The following SLC8A1 variants were observed in gnomAD, a reference collection of about 807,000 sequenced individuals.
SLC8A1 encodes the protein sodium/calcium exchanger 1.
In SLC8A1, 18 loss-of-function variants were observed where a neutral mutation model predicts 68.3. The ratio of observed to expected loss-of-function variants is 0.26; its 90% CI spans 0.18 to 0.39. SLC8A1 has a LOEUF of 0.39. Ranked by LOEUF, SLC8A1 falls within the 10% of genes least tolerant of loss-of-function variation. SLC8A1 has a pLI of 1.00. For missense variants in SLC8A1, 985 were observed against 1,156.7 expected, an observed-to-expected ratio of 0.85 and a Z score of 2.15; for synonymous variants, 475 against 415.5, an observed-to-expected ratio of 1.14 and a Z score of -1.74.
At chr2:40,367,432 CT>C (rs1676606846) in intron 2 of SLC8A1, among the ~76,000 whole-genome samples, 1 of 152,004 alleles carries the variant, frequency 6.6e-6, no homozygotes, top group Admixed American at 6.6e-5. Context: ...ACACACATCC[CT>C]TTTTTCCCCG....
chr2:40,293,449 A>G (rs2069721489), intron 2 of SLC8A1, among the ~76,000 whole-genome samples: 1 of 152,192 alleles, frequency 6.6e-6, no homozygotes, highest in Non-Finnish European at 1.5e-5. Flanking sequence ...ACCTTAATCT[A>G]AACTTGGAGC....
At chr2:40,268,647 A>G (rs35417255) in intron 2 of SLC8A1, among the ~76,000 whole-genome samples, 4,929 of 152,258 alleles carry the variant, frequency 0.032, 113 homozygotes, top group Non-Finnish European at 0.054. Context: ...GTACGTGTAT[A>G]AGGGCAGAAA....
chr2:40,242,763 A>G (rs2061385250), intron 2 of SLC8A1, among the ~76,000 whole-genome samples: 1 of 152,232 alleles, frequency 6.6e-6, no homozygotes, highest in Non-Finnish European at 1.5e-5. Flanking sequence ...AGGAATACAA[A>G]TACAACCATG....
At chr2:40,152,155 TA>T (rs2043556638) in intron 6 of SLC8A1, among the ~76,000 whole-genome samples, 1 of 152,192 alleles carries the variant, frequency 6.6e-6, no homozygotes, top group South Asian at 2.1e-4. Flanking sequence ...TCTTTCTTTT[TA>T]TTAATAAAAA....
intron 2 of SLC8A1, among the ~76,000 whole-genome samples, chr2:40,350,272 A>G (rs1347627390): frequency 2.6e-5 from 4 of 152,114 alleles, no homozygotes; most frequent in Non-Finnish European, 5.9e-5. Context: ...GCTTGAGCCC[A>G]GGAGTTCAAG....
chr2:40,197,552 C>A (rs1188965209), intron 2 of SLC8A1, among the ~76,000 whole-genome samples: 1 of 151,880 alleles, frequency 6.6e-6, no homozygotes, highest in Non-Finnish European at 1.5e-5. Context: ...AGGTGCTTTC[C>A]CCCTTTAGCA....
chr2:40,263,292 C>A (rs1052447849), intron 2 of SLC8A1, among the ~76,000 whole-genome samples: 1 of 152,174 alleles, frequency 6.6e-6, no homozygotes, highest in Admixed American at 6.5e-5. Context: ...GCATTTTTAG[C>A]ATGATACATA....
chr2:40,129,316 G>A (rs1464092288), intron 7 of SLC8A1, among the ~76,000 whole-genome samples: 1 of 150,422 alleles, frequency 6.6e-6, no homozygotes, highest in East Asian at 2.0e-4. Flanking sequence ...CTGCAGCCTT[G>A]GCCTCCTGGG....
intron 2 of SLC8A1, among the ~76,000 whole-genome samples, chr2:40,192,871 G>A (rs2052155518): frequency 6.6e-6 from 1 of 152,138 alleles, no homozygotes; most frequent in African/African-American, 2.4e-5. Flanking sequence ...TAATGGAACA[G>A]AAGAGAATCC....
At chr2:40,324,467 T>A (rs1298308262) in intron 2 of SLC8A1, among the ~76,000 whole-genome samples, 1 of 152,164 alleles carries the variant, frequency 6.6e-6, no homozygotes, top group South Asian at 2.1e-4. Context: ...ACATTCCATT[T>A]CTTTCCTAAC....
intron 2 of SLC8A1, among the ~76,000 whole-genome samples, chr2:40,197,357 A>G (rs2053246058): frequency 6.6e-6 from 1 of 152,036 alleles, no homozygotes; most frequent in African/African-American, 2.4e-5. Flanking sequence ...TTTATGGTGC[A>G]GTGTCTACGG....
intron 2 of SLC8A1, among the ~76,000 whole-genome samples, chr2:40,407,392 TTGTC>T (rs1180712410): frequency 1.3e-5 from 2 of 152,212 alleles, no homozygotes; most frequent in Non-Finnish European, 1.5e-5. Context: ...GACTGGTTCC[TTGTC>T]TGTAAAAATG....
At chr2:40,276,951 A>G (rs1203826149) in intron 2 of SLC8A1, among the ~76,000 whole-genome samples, 1 of 152,210 alleles carries the variant, frequency 6.6e-6, no homozygotes, top group African/African-American at 2.4e-5. Flanking sequence ...TCGAATGACC[A>G]AGGTTAGAAA....
At chr2:40,391,681 A>C (rs1279868439) in intron 2 of SLC8A1, among the ~76,000 whole-genome samples, 1 of 152,030 alleles carries the variant, frequency 6.6e-6, no homozygotes, top group East Asian at 1.9e-4. Flanking sequence ...CATATCCACA[A>C]CTTGGAACTC....
chr2:40,140,370 A>G (rs895045738), intron 6 of SLC8A1, among the ~76,000 whole-genome samples: 1 of 152,076 alleles, frequency 6.6e-6, no homozygotes, highest in Non-Finnish European at 1.5e-5. Context: ...TTCCTCACCC[A>G]TCCTTTAAGA....
At chr2:40,146,687 T>A (rs1477581956) in intron 6 of SLC8A1, among the ~76,000 whole-genome samples, 1 of 152,018 alleles carries the variant, frequency 6.6e-6, no homozygotes, top group Admixed American at 6.6e-5. Context: ...ATGCACAACC[T>A]AGATCCATCA....
Position 40,322,821 on chromosome 2 carries a change from AACACACAC to A in SLC8A1, c.1808+105644_1808+105651del, listed in dbSNP as rs5830620. Among the ~76,000 whole-genome samples the A allele has an allele frequency of 9.1e-3, 1,343 of 147,700 alleles. 19 individuals carry two copies. The highest frequency in any genetic ancestry group is 0.031 in the African/African-American group (1,253 of 40,422). ...TAGTGCCTACCACCATTTATTGGGT[AACACACAC>A]ACACACACACACACACACACACCAC... On this transcript the variant is annotated intron_variant, in intron 2 of 7. Transcript: ENST00000406785.
At chr2:40,332,892 T>C (rs2076561290) in intron 2 of SLC8A1, among the ~76,000 whole-genome samples, 1 of 152,210 alleles carries the variant, frequency 6.6e-6, no homozygotes, top group South Asian at 2.1e-4. Context: ...GAGCACAAAA[T>C]GCTTAAAAGA....
chr2:40,373,456 C>T (rs920840070), intron 2 of SLC8A1, among the ~76,000 whole-genome samples: 4 of 152,078 alleles, frequency 2.6e-5, no homozygotes, highest in African/African-American at 7.2e-5. Flanking sequence ...TTACAGTCAC[C>T]CTCTTTCCCC....
Sources: allele counts gnomAD v4.1 joint callset (sites outside exome capture counted in the v4.1 genomes callset), GRCh38; gene constraint gnomAD v4.1.1; transcripts MANE v1.5; gene names NCBI Gene and HGNC (gene_info 2026-07-23, HGNC 2026-07-21).